Variants in RBPMS2 observed in about 807,000 individuals in gnomAD.
The protein encoded by RBPMS2 is RNA binding protein, mRNA processing factor 2, also known as RNA-binding protein with multiple splicing 2.
In RBPMS2, 14 loss-of-function variants were observed where a neutral mutation model predicts 25.7. The observed-to-expected ratio is 0.55, with a 90% CI of 0.36 to 0.85. RBPMS2 has a LOEUF of 0.85. Among genes scored for constraint, RBPMS2 ranks in the 40% least tolerant of loss-of-function variants. The probability of loss-of-function intolerance (pLI) is 0.01; values close to 1 mark genes in which losing one functional copy is unlikely to be tolerated. For missense variants in RBPMS2, 252 were observed against 283.4 expected (o/e 0.89, Z 0.80); for synonymous variants, 127 against 115.6 (o/e 1.10, Z -0.63).
intron 1 of RBPMS2, among the ~76,000 whole-genome samples, chr15:64,761,723 G>T (rs1362218478): frequency 1.9e-4 from 13 of 67,610 alleles, no homozygotes; most frequent in East Asian, 5.9e-4. Flanking sequence ...TTTTTTTTGA[G>T]ACGGAGTCTC....
intron 1 of RBPMS2, among the ~76,000 whole-genome samples, chr15:64,769,424 C>CAAAA: frequency 1.1e-5 from 1 of 87,910 alleles, no homozygotes; most frequent in African/African-American, 4.6e-5. Flanking sequence ...AACTCCGTCT[C>CAAAA]AAAAAAAAAA....
chr15:64,773,822 T>C (rs1420261006), intron 1 of RBPMS2, among the ~76,000 whole-genome samples: 1 of 152,004 alleles, frequency 6.6e-6, no homozygotes. Flanking sequence ...TCCCCAACTG[T>C]CAAGGGAGAT....
chr15:64,744,934 C>A (rs921276279), intron 6 of RBPMS2, among the ~76,000 whole-genome samples: 8 of 147,824 alleles, frequency 5.4e-5, no homozygotes, highest in Non-Finnish European at 1.0e-4. Flanking sequence ...CCTGCCTCAG[C>A]CTCCTGAGTA....
At position 64,740,444 on chromosome 15, in the gene RBPMS2, G is replaced by T. The variant is rs1392924060; in HGVS notation, c.*564C>A. ...ATGAAAAAGCAAACCCCATCTATCT[G>T]TTGGGTGGAGGTGGGAGCTGAGCCT... On this transcript the variant is annotated 3_prime_UTR_variant, in exon 8 of 8. Transcript: ENST00000300069. 6.6e-6 allele frequency: 1 copy of T among 151,960 alleles called. No individual in the cohort carries two copies. Among genetic ancestry groups the T allele is most frequent in the Non-Finnish European group, 1.5e-5 (1 of 68,030 alleles). 9.4% of individuals were successfully genotyped at this position (151,960 alleles called of 1,614,324 possible).
chr15:64,763,142 C>T (rs915507395), intron 1 of RBPMS2, among the ~76,000 whole-genome samples: 3 of 152,086 alleles, frequency 2.0e-5, no homozygotes, highest in Non-Finnish European at 4.4e-5. Context: ...TGCTCTTACG[C>T]CTCCCATAGG....
In RBPMS2 at chr15:64,775,312, T is replaced by C. The variant is rs1165959512; in HGVS notation, c.8A>G (p.Asn3Ser). The C allele has an allele frequency of 3.0e-6, 4 of 1,340,130 alleles. No homozygotes were observed. 83.0% of individuals were successfully genotyped at this position (1,340,130 alleles called of 1,614,324 possible). A position where few individuals can be genotyped will look rare whatever the true frequency, so the allele number is the denominator to read the frequency against. The stretch of plus-strand genomic sequence containing the variant: ...GCCGTGCTCGCCGTCCGGCTTCAGG[T>C]TGCTCATGGTGCGGGGGAGGGGGCG... MS[N>S]LKPDGEHGGS... Residue 3 changes from asparagine (N) to serine (S), a missense_variant, in exon 1 of 8, where the codon AAC becomes AGC. By Grantham distance (46) the Asn-to-Ser change is conservative. Transcript: ENST00000300069.
chr15:64,761,751 G>A (rs547383926), intron 1 of RBPMS2, among the ~76,000 whole-genome samples: 7 of 128,510 alleles, frequency 5.4e-5, no homozygotes, highest in African/African-American at 2.1e-4. Context: ...CGCCCAGGCT[G>A]CAATGCAATG....
chr15:64,748,124 T>A (rs2083635884), intron 6 of RBPMS2, among the ~76,000 whole-genome samples: 1 of 152,118 alleles, frequency 6.6e-6, no homozygotes, highest in Non-Finnish European at 1.5e-5. Flanking sequence ...CATAGTCCCA[T>A]CACCATGGGA....
rs375064861 is a variant in RBPMS2 at position 64,748,467 on chromosome 15, C to A, written c.519G>T (p.Ala173=). ...CGGCAGTGGCAGTTGGGTAGGTGAA[C>A]GCAGCATGGGAGATGGCTGGGGTCA... ...TELTPAISHA[A]FTYPTATAAA... Residue 173 remains alanine (A), a synonymous_variant, in exon 6 of 8, where the codon GCG becomes GCT. Transcript: ENST00000300069. 58 of 1,614,036 alleles carry A rather than the reference C, an allele frequency of 3.6e-5. No individual in the cohort carries two copies. In the East Asian group the frequency reaches 1.2e-3, roughly 35 times the overall value.
chr15:64,752,194 C>A (rs1396685535), intron 1 of RBPMS2, among the ~76,000 whole-genome samples: 1 of 151,958 alleles, frequency 6.6e-6, no homozygotes, highest in Admixed American at 6.6e-5. Flanking sequence ...AGTGCCTGAC[C>A]CCCCAAAAAT....
intron 1 of RBPMS2, among the ~76,000 whole-genome samples, chr15:64,770,371 T>C (rs1047792901): frequency 6.6e-6 from 1 of 152,222 alleles, no homozygotes; most frequent in African/African-American, 2.4e-5. Flanking sequence ...ACTTTCCTCA[T>C]TTATGAAATG....
chr15:64,742,956 C>T (rs2083576914), intron 6 of RBPMS2, among the ~76,000 whole-genome samples: 1 of 152,214 alleles, frequency 6.6e-6, no homozygotes, highest in African/African-American at 2.4e-5. Context: ...GCCACCACAT[C>T]CCAGGAGCTC....
intron 1 of RBPMS2, among the ~76,000 whole-genome samples, chr15:64,757,576 A>C (rs1383027331): frequency 6.6e-6 from 1 of 152,154 alleles, no homozygotes; most frequent in East Asian, 1.9e-4. Flanking sequence ...CCTTCGTTTT[A>C]TAGATGGGGA....
In RBPMS2 at chr15:64,740,927, G is replaced by C. The variant is rs1001617284; in HGVS notation, c.*81C>G. The C allele has an allele frequency of 8.8e-6, 4 of 453,548 alleles. No individual in the cohort carries two copies. Among genetic ancestry groups the C allele is most frequent in the African/African-American group, 6.0e-5 (3 of 50,268 alleles). The allele number at this position is 453,548 out of a possible 1,614,324, so 28.1% of individuals were successfully genotyped here. ...GCAGCAGCTCTGTGCAGGCCGCCCG[G>C]GGGCAGTGGGAACTCGGGGCGCCTG... On this transcript the variant is annotated 3_prime_UTR_variant, in exon 8 of 8. Transcript: ENST00000300069.
At chr15:64,741,925 G>A (rs1488397629) in intron 6 of RBPMS2, among the ~76,000 whole-genome samples, 1 of 152,180 alleles carries the variant, frequency 6.6e-6, no homozygotes, top group Non-Finnish European at 1.5e-5. Context: ...CAGCACTTTC[G>A]GAGGCCGAGG....
chr15:64,750,517 G>A, intron 2 of RBPMS2, 136 bp from the exon 3 acceptor site: 1 of 773,896 alleles, frequency 1.3e-6, no homozygotes. Context: ...AACCCACCCT[G>A]ACCTCCGCCA....
chr15:64,756,057 C>T (rs2083728986), intron 1 of RBPMS2, among the ~76,000 whole-genome samples: 1 of 152,128 alleles, frequency 6.6e-6, no homozygotes, highest in Non-Finnish European at 1.5e-5. Context: ...TACAGAAAGC[C>T]CTAGAGACAG....
In RBPMS2 at chr15:64,775,277, C is replaced by A. The variant is rs777493863; in HGVS notation, c.43G>T (p.Gly15Cys). The A allele has an allele frequency of 7.4e-7, 1 of 1,350,202 alleles. No individual in the cohort carries two copies. Among genetic ancestry groups the A allele is most frequent in the East Asian group, 3.3e-5 (1 of 30,656 alleles). The allele number at this position is 1,350,202 out of a possible 1,614,324, so 83.6% of individuals were successfully genotyped here. Residue 15 changes from glycine (G) to cysteine (C), a missense_variant, in exon 1 of 8, where the codon GGC (glycine) becomes TGC (cysteine). Coordinates refer to ENST00000300069, the MANE Select transcript of RBPMS2 (RefSeq NM_194272.3). ...CCGGAGCCCGCGCCGGAGCCGGTGC[C>A]GGTGCTGCCGCCGTGCTCGCCGTCC... ...KPDGEHGGSTGTGSGAGSGGA... is the reference protein window; with the variant it reads ...KPDGEHGGSTCTGSGAGSGGA...
chr15:64,748,806 C>A (rs1200846977), intron 5 of RBPMS2, among the ~76,000 whole-genome samples, 194 bp downstream of exon 5: 1 of 152,172 alleles, frequency 6.6e-6, no homozygotes, highest in Non-Finnish European at 1.5e-5. Flanking sequence ...AAGAAGGTTG[C>A]AGGGAAGCTG....
Sources: allele counts gnomAD v4.1 joint callset (sites outside exome capture counted in the v4.1 genomes callset), GRCh38; gene constraint gnomAD v4.1.1; transcripts MANE v1.5; gene names NCBI Gene and HGNC (gene_info 2026-07-23, HGNC 2026-07-21).